RAP1GDS1: variants seen among roughly 807,000 people sequenced by gnomAD.
The protein encoded by RAP1GDS1 is Rap1 GTPase-GDP dissociation stimulator 1, also known as RAP1, GTP-GDP dissociation stimulator 1.
RAP1GDS1 carries 35 observed loss-of-function variants against 71.1 expected under a neutral mutation model. That is an observed-to-expected ratio of 0.49 (90% CI 0.38 to 0.65). RAP1GDS1 has a LOEUF of 0.65. RAP1GDS1 is among the 30% of genes least tolerant of loss of function. The pLI is 0.00. For synonymous variants in RAP1GDS1, 229 were observed against 243.1 expected, an observed-to-expected ratio of 0.94 and a Z score of 0.54; for missense variants, 663 against 706.1, an observed-to-expected ratio of 0.94 and a Z score of 0.69.
At chr4:98,320,165 C>G (rs1317965716) in intron 2 of RAP1GDS1, among the ~76,000 whole-genome samples, 1 of 152,156 alleles carries the variant, frequency 6.6e-6, no homozygotes, top group African/African-American at 2.4e-5. Context: ...GGCTTCTGGT[C>G]AGCAATAGGC....
Position 98,443,031 on chromosome 4 carries a change from T to G in RAP1GDS1, c.*914T>G, listed in dbSNP as rs1752081038. The G allele has an allele frequency of 9.3e-6, 2 of 215,830 alleles. No homozygotes were observed. The highest frequency in any genetic ancestry group is 1.8e-5 in the Non-Finnish European group (2 of 108,988). 13.4% of individuals were successfully genotyped at this position (215,830 alleles called of 1,614,324 possible). Reference sequence around the variant, plus strand: ...AAGAATGGAATTTTTTTTTTTTTTTTTTTTTTTGCTGTTTTTCATCATTCA... The same window carrying G: ...AAGAATGGAATTTTTTTTTTTTTTTGTTTTTTTGCTGTTTTTCATCATTCA... On this transcript the variant is annotated 3_prime_UTR_variant, in exon 15 of 15. Transcript: ENST00000408927.
In RAP1GDS1 at chr4:98,418,746, G is replaced by A. The variant is rs755324471; in HGVS notation, c.1129G>A (p.Val377Ile). 5.6e-6 allele frequency: 9 copies of A among 1,610,472 alleles called. No homozygotes were observed. The South Asian group carries it at 7.7e-5, about 14-fold the overall frequency. Residue 377 changes from valine to isoleucine, a missense_variant, in exon 10 of 15, where the codon GTA (valine) becomes ATA (isoleucine). Val to Ile is a conservative substitution (Grantham distance 29, BLOSUM62 3). Transcript: ENST00000408927. ...DRHVEDGNVT[V>I]QHAALSALRN... is the part of the protein sequence containing the mutation. ...ACATGTAGAAGATGGAAATGTAACA[G>A]TACAGCATGCAGCACTAAGTGCCCT...
At chr4:98,308,299 A>C (rs1342150253) in intron 2 of RAP1GDS1, among the ~76,000 whole-genome samples, 2 of 98,884 alleles carry the variant, frequency 2.0e-5, no homozygotes, top group South Asian at 3.2e-4. Flanking sequence ...CACACACACT[A>C]TATATATATA....
chr4:98,348,413 G>C (rs1736633761), intron 3 of RAP1GDS1, among the ~76,000 whole-genome samples: 1 of 152,154 alleles, frequency 6.6e-6, no homozygotes, highest in African/African-American at 2.4e-5. Flanking sequence ...TATGAATAGT[G>C]CCACAGTAAA....
intron 3 of RAP1GDS1, among the ~76,000 whole-genome samples, chr4:98,348,610 A>G (rs1481393206): frequency 6.6e-6 from 1 of 152,172 alleles, no homozygotes; most frequent in Non-Finnish European, 1.5e-5. Flanking sequence ...CTATTTCTCC[A>G]CAGCCAATCC....
intron 4 of RAP1GDS1, among the ~76,000 whole-genome samples, chr4:98,355,953 T>C (rs2110430612): frequency 6.6e-6 from 1 of 152,294 alleles, no homozygotes; most frequent in African/African-American, 2.4e-5. Flanking sequence ...TCATTTAAAA[T>C]GCTTGGTCTC....
At chr4:98,359,023 A>G (rs1410679210) in intron 4 of RAP1GDS1, among the ~76,000 whole-genome samples, 1 of 152,070 alleles carries the variant, frequency 6.6e-6, no homozygotes, top group African/African-American at 2.4e-5. Context: ...GCAGTACCTG[A>G]GGTGGGAGGT....
chr4:98,288,493 C>G (rs914399342), intron 1 of RAP1GDS1, among the ~76,000 whole-genome samples: 6 of 152,090 alleles, frequency 3.9e-5, no homozygotes, highest in African/African-American at 1.2e-4. Context: ...AGTAAACATA[C>G]GTGTGCATGT....
At chr4:98,310,168 T>C (rs1159047436) in intron 2 of RAP1GDS1, among the ~76,000 whole-genome samples, 1 of 152,136 alleles carries the variant, frequency 6.6e-6, no homozygotes, top group Non-Finnish European at 1.5e-5. Context: ...CCCCTCCATC[T>C]TCAGGTCTCA....
At chr4:98,391,540 A>T (rs963758443) in intron 5 of RAP1GDS1, among the ~76,000 whole-genome samples, 1 of 152,010 alleles carries the variant, frequency 6.6e-6, no homozygotes, top group Non-Finnish European at 1.5e-5. Flanking sequence ...CTTGGTCTTC[A>T]TTAAACTTGC....
intron 12 of RAP1GDS1, among the ~76,000 whole-genome samples, chr4:98,429,256 CAA>C (rs1226326098): frequency 1.2e-4 from 8 of 68,326 alleles, no homozygotes; most frequent in Admixed American, 1.7e-4. Flanking sequence ...AGACGTGTCT[CAA>C]AAAAAAAAAA....
intron 6 of RAP1GDS1, 51 bp downstream of exon 6, chr4:98,392,131 C>T (rs780139574): frequency 1.3e-6 from 2 of 1,499,412 alleles, no homozygotes; most frequent in African/African-American, 2.8e-5. Context: ...AATGTGCTTA[C>T]AATAAATTTT....
At chr4:98,425,640 T>C (rs1749508692) in intron 12 of RAP1GDS1, among the ~76,000 whole-genome samples, 1 of 152,168 alleles carries the variant, frequency 6.6e-6, no homozygotes, top group Admixed American at 6.5e-5. Context: ...AGGGACATTA[T>C]ATAATGATAA....
chr4:98,339,244 A>C (rs192408401), intron 2 of RAP1GDS1, among the ~76,000 whole-genome samples: 37 of 152,290 alleles, frequency 2.4e-4, no homozygotes, highest in Admixed American at 5.2e-4. Context: ...TCAGGGACAG[A>C]ATGAGTGCTG....
intron 14 of RAP1GDS1, among the ~76,000 whole-genome samples, chr4:98,440,313 G>C (rs1422392802): frequency 3.9e-5 from 6 of 152,004 alleles, no homozygotes; most frequent in Non-Finnish European, 8.8e-5. Flanking sequence ...ATATCTCTGA[G>C]CCTCTGCTTT....
At chr4:98,306,797 G>A (rs916678686) in intron 2 of RAP1GDS1, among the ~76,000 whole-genome samples, 3 of 152,106 alleles carry the variant, frequency 2.0e-5, no homozygotes, top group African/African-American at 7.2e-5. Context: ...TTTTACTTCA[G>A]TAGTGCTTGA....
intron 3 of RAP1GDS1, among the ~76,000 whole-genome samples, chr4:98,344,503 CAG>C (rs1735957024): frequency 6.6e-6 from 1 of 152,002 alleles, no homozygotes; most frequent in Non-Finnish European, 1.5e-5. Context: ...TTTTGGATAA[CAG>C]ATTTTTGTGA....
At chr4:98,369,620 T>C (rs1740055350) in intron 4 of RAP1GDS1, among the ~76,000 whole-genome samples, 1 of 152,236 alleles carries the variant, frequency 6.6e-6, no homozygotes, top group Non-Finnish European at 1.5e-5. Context: ...ACTTACTGCA[T>C]GAAGCCATTT....
intron 4 of RAP1GDS1, among the ~76,000 whole-genome samples, chr4:98,356,001 A>C (rs1174240559): frequency 2.0e-5 from 3 of 152,132 alleles, no homozygotes; most frequent in Admixed American, 2.0e-4. Context: ...TCATTTATGT[A>C]TTTCTCTTTC....
Sources: gnomAD v4.1 joint callset for allele counts (sites outside exome capture counted in the v4.1 genomes callset) on GRCh38, gnomAD v4.1.1 for gene constraint, MANE v1.5 for transcripts, NCBI Gene and HGNC (gene_info 2026-07-23, HGNC 2026-07-21) for gene names.